Variants in AGBL5 observed in about 807,000 individuals in gnomAD.
The protein encoded by AGBL5 is AGBL carboxypeptidase 5.
Under a neutral mutation model 88.0 loss-of-function variants are expected in AGBL5, and 51 were observed. The ratio of observed to expected loss-of-function variants is 0.58; its 90% CI spans 0.46 to 0.73. The LOEUF (loss-of-function observed/expected upper bound fraction) is 0.73. Ranked by LOEUF, AGBL5 falls within the 30% of genes least tolerant of loss-of-function variation. AGBL5 has a pLI of 0.00. For synonymous variants in AGBL5, 446 were observed against 438.8 expected, an observed-to-expected ratio of 1.02 and a Z score of -0.21; for missense variants, 1,031 against 1,162.2, an observed-to-expected ratio of 0.89 and a Z score of 1.64.
intron 4 of AGBL5, chr2:27,054,389 TAAGTA>T: frequency 1.8e-6 from 1 of 564,514 alleles, no homozygotes; most frequent in Non-Finnish European, 3.1e-6. Flanking sequence ...CCGACTACAT[TAAGTA>T]ATCTATTCTA....
Position 27,069,593 on chromosome 2 carries a change from G to C in AGBL5, c.2376G>C (p.Arg792=), listed in dbSNP as rs149162476. The stretch of plus-strand genomic sequence containing the variant: ...CACAGGCTAGGCCCAGGTTGGGCCG[G>C]GGCTCACCGCCGACTCGCAGAGGGA... The part of the protein sequence containing the change: ...TRLQARPRLG[R]GSPPTRRGMK... The change falls in exon 14 of 15, where the codon CGG becomes CGC. Residue 792 remains arginine (R), a synonymous_variant. Coordinates refer to ENST00000360131, the MANE Select transcript of AGBL5 (RefSeq NM_021831.6). 1 of 1,614,008 alleles carries C rather than the reference G, an allele frequency of 6.2e-7. No individual in the cohort carries two copies. Among genetic ancestry groups the C allele is most frequent in the Non-Finnish European group, 8.5e-7 (1 of 1,179,974 alleles).
chr2:27,058,442 T>C lies in AGBL5; in HGVS notation c.1714T>C (p.Cys572Arg). Reference protein sequence around the residue: ...MAIAALDMAECNPWPRIVLSE... With the variant: ...MAIAALDMAERNPWPRIVLSE... ...CATTGCAGCCCTGGACATGGCGGAA[T>C]GTAATCCGTGGCCCCGAATTGTACT... The change falls in exon 10 of 15, where the codon TGT becomes CGT. Residue 572 changes from cysteine to arginine, a missense_variant. Physicochemically the swap from Cys to Arg is radical, Grantham distance 180 (BLOSUM62 -3). This residue lies in a region of AGBL5 where 491 missense variants were observed against 484.0 expected (regional missense o/e 1.01). Coordinates refer to ENST00000360131, the MANE Select transcript of AGBL5 (RefSeq NM_021831.6). 1.9e-6 allele frequency: 3 copies of C among 1,613,798 alleles called. No individual in the cohort carries two copies. The highest frequency in any genetic ancestry group is 2.5e-6 in the Non-Finnish European group (3 of 1,180,038).
chr2:27,057,288 G>A lies in AGBL5; in HGVS notation c.1536-15G>A, dbSNP rs55837250. 2.4e-4 allele frequency: 381 copies of A among 1,608,406 alleles called. 1 individual carries two copies. In the African/African-American group the frequency reaches 4.6e-3, roughly 19 times the overall value. Reference sequence around the variant, plus strand: ...CTGTTCAGGCGGGACACTGATAAAGGTCTTTATGTCTTAGCTACACACTTG... The same window carrying A: ...CTGTTCAGGCGGGACACTGATAAAGATCTTTATGTCTTAGCTACACACTTG... On this transcript the variant is annotated splice_polypyrimidine_tract_variant and intron_variant, in intron 8 of 14. Transcript: ENST00000360131.
At chr2:27,056,417 G>A in intron 7 of AGBL5, 2 of 614,110 alleles carry the variant, frequency 3.3e-6, no homozygotes, top group Middle Eastern at 7.4e-4. Flanking sequence ...GTTGGAGGGA[G>A]GAAGCTAAAA....
intron 6 of AGBL5, 34 bp from the exon 7 acceptor site, chr2:27,055,648 T>G: frequency 1.3e-6 from 2 of 1,592,452 alleles, no homozygotes; most frequent in Non-Finnish European, 1.7e-6. Flanking sequence ...GGCCCAGTCC[T>G]CTAGAACCTG....
rs1010129145 is a variant in AGBL5 at position 27,052,980 on chromosome 2, T to C, written c.22T>C (p.Leu8=). MELRCGG[L]LFSSRFDSGN... ...CACCATGGAGCTGCGCTGTGGGGGA[T>C]TGCTGTTCAGTTCTCGCTTTGATTC... is the stretch of plus-strand genomic sequence containing the variant. The change falls in exon 2 of 15, where the codon TTG becomes CTG. Residue 8 remains leucine (L), a synonymous_variant. Coordinates refer to ENST00000360131, the MANE Select transcript of AGBL5 (RefSeq NM_021831.6). 8 of 1,610,376 alleles carry C rather than the reference T, an allele frequency of 5.0e-6. No individual in the cohort carries two copies. The highest frequency in any genetic ancestry group is 1.1e-5 in the South Asian group (1 of 90,526).
At chr2:27,054,575 A>C (rs1359210884) in intron 4 of AGBL5, 55 bp from the exon 5 acceptor site, 1 of 1,552,136 alleles carries the variant, frequency 6.4e-7, no homozygotes, top group African/African-American at 1.4e-5. Flanking sequence ...GACAAGGCCT[A>C]CCTCTTACTA....
intron 5 of AGBL5, 27 bp downstream of exon 5, chr2:27,054,834 T>A (rs1485116216): frequency 1.2e-6 from 2 of 1,600,270 alleles, no homozygotes; most frequent in Non-Finnish European, 1.7e-6. Context: ...TAAAGGTAGT[T>A]CTTTGGCTTT....
chr2:27,059,275 A>T lies in AGBL5; in HGVS notation c.1960A>T (p.Ser654Cys). 1 of 1,614,252 alleles carries T rather than the reference A, an allele frequency of 6.2e-7. No individual in the cohort carries two copies. Among genetic ancestry groups the T allele is most frequent in the Non-Finnish European group, 8.5e-7 (1 of 1,180,036 alleles). Residue 654 changes from serine (S) to cysteine (C), a missense_variant, in exon 11 of 15, where the codon AGC (serine) becomes TGC (cysteine). Ser to Cys is a moderately radical substitution (Grantham distance 112). Coordinates refer to ENST00000360131, the MANE Select transcript of AGBL5 (RefSeq NM_021831.6). Reference protein sequence around the residue: ...TGTSAGGSSSSQQNSPQMKNS... With the variant: ...TGTSAGGSSSCQQNSPQMKNS... Reference sequence around the variant, plus strand: ...CACAAGTGCCGGTGGTAGCAGCAGCAGCCAACAAAATTCTCCACAGATGAA... The same window carrying T: ...CACAAGTGCCGGTGGTAGCAGCAGCTGCCAACAAAATTCTCCACAGATGAA...
chr2:27,051,136 C>A (rs1668093087), upstream of AGBL5: 1 of 152,076 alleles, frequency 6.6e-6, no homozygotes, highest in Admixed American at 6.5e-5. Flanking sequence ...AATAAATGTC[C>A]TGAACTGTGG....
Position 27,053,847 on chromosome 2 carries a change from G to C in AGBL5, c.388-49G>C, listed in dbSNP as rs754487763. On this transcript the variant is annotated intron_variant, in intron 3 of 14. Transcript: ENST00000360131. This position sits in a 1 kb window ranked among gnomAD's most constrained non-coding sequence, Gnocchi z 4.9. ...TCCTGGTGGTCCCAGTAGGAGCTCA[G>C]TTCTGACAATGGCATGTTGCCCCTC... The C allele has an allele frequency of 4.4e-6, 7 of 1,576,880 alleles. No individual in the cohort carries two copies. In the South Asian group the frequency reaches 7.1e-5, roughly 16 times the overall value.
rs1027459436 is a variant in AGBL5 at position 27,059,630 on chromosome 2, T to A, written c.2089+226T>A. 53 of 1,008,984 alleles carry A rather than the reference T, an allele frequency of 5.3e-5. No homozygotes were observed. The East Asian group carries it at 1.3e-3, about 25-fold the overall frequency. 62.5% of individuals were successfully genotyped at this position (1,008,984 alleles called of 1,614,324 possible). A position where few individuals can be genotyped will look rare whatever the true frequency, so the allele number is the denominator to read the frequency against. Reference sequence around the variant, plus strand: ...AGGGGGAAGTCTGGGTATCTGGGCTTCAGTGCATGCTAGGAGCCAGGGAAG... The same window carrying A: ...AGGGGGAAGTCTGGGTATCTGGGCTACAGTGCATGCTAGGAGCCAGGGAAG... On this transcript the variant is annotated intron_variant, in intron 11 of 14. Transcript: ENST00000360131.
chr2:27,059,482 A>G (rs770194361), intron 11 of AGBL5, 78 bp downstream of exon 11: 7 of 1,597,054 alleles, frequency 4.4e-6, no homozygotes, highest in South Asian at 1.1e-5. Flanking sequence ...GCTTGAAGAT[A>G]TACTGTTGGC....
intron 8 of AGBL5, 59 bp downstream of exon 8, chr2:27,056,851 C>T: frequency 2.0e-6 from 3 of 1,520,832 alleles, no homozygotes; most frequent in African/African-American, 1.4e-5. Flanking sequence ...AACACCGTAG[C>T]TGGGTGTGGT....
At chr2:27,065,209 GT>G (rs1668927209) in intron 11 of AGBL5, among the ~76,000 whole-genome samples, 1 of 152,166 alleles carries the variant, frequency 6.6e-6, no homozygotes, top group Non-Finnish European at 1.5e-5. Flanking sequence ...GGTGAATTCA[GT>G]TCTATGAAAA....
intron 13 of AGBL5, chr2:27,069,348 C>G (rs1191957181): frequency 1.0e-6 from 1 of 985,380 alleles, no homozygotes; most frequent in Non-Finnish European, 1.2e-6. Flanking sequence ...ATGCTGGATC[C>G]GTTTGCCACC....
chr2:27,057,249 TTC>T, intron 8 of AGBL5, 52 bp from the exon 9 acceptor site: 1 of 1,557,154 alleles, frequency 6.4e-7, no homozygotes, highest in Admixed American at 1.9e-5. Context: ...TCCTCTATGG[TTC>T]TGTCCTGGTA....
At chr2:27,051,492 A>C (rs1011550250), upstream of AGBL5, 1 of 152,248 alleles carries the variant, frequency 6.6e-6, no homozygotes, top group African/African-American at 2.4e-5. Flanking sequence ...GTCTTCCGGA[A>C]GACGCTGCTA....
At position 27,070,227 on chromosome 2, in the gene AGBL5, T is replaced by C. The variant is rs774671294; in HGVS notation, c.2625T>C (p.Pro875=). The change falls in exon 15 of 15, where the codon CCT becomes CCC. Residue 875 remains proline, a synonymous_variant. Coordinates refer to ENST00000360131, the MANE Select transcript of AGBL5 (RefSeq NM_021831.6). ...PLGQPEVCFV[P]KSPPLTVSPR... ...GCCAACCTGAGGTTTGTTTTGTCCCTAAATCTCCCCCACTGACTGTTTCTC... is the reference window on the plus strand; with the variant it reads ...GCCAACCTGAGGTTTGTTTTGTCCCCAAATCTCCCCCACTGACTGTTTCTC... 14 of 1,614,116 alleles carry C rather than the reference T, an allele frequency of 8.7e-6. No individual in the cohort carries two copies. The African/African-American group carries it at 1.7e-4, about 20-fold the overall frequency.
Sources: gnomAD v4.1 joint callset for allele counts (sites outside exome capture counted in the v4.1 genomes callset) on GRCh38, gnomAD v4.1.1 for gene constraint, gnomAD v4.1.1 regional missense constraint, Gnocchi (gnomAD v3.1) non-coding constraint, MANE v1.5 for transcripts, NCBI Gene and HGNC (gene_info 2026-07-23, HGNC 2026-07-21) for gene names.